SUCLG2: variants seen among roughly 807,000 people sequenced by gnomAD.
SUCLG2 encodes the protein succinate-CoA ligase GDP-forming subunit beta, also known as succinate--CoA ligase [GDP-forming] subunit beta, mitochondrial.
In SUCLG2, 42 loss-of-function variants were observed where a neutral mutation model predicts 47.9. The ratio of observed to expected loss-of-function variants is 0.88; its 90% CI spans 0.69 to 1.14. The LOEUF (loss-of-function observed/expected upper bound fraction) is 1.14. Among genes scored for constraint, SUCLG2 ranks in the 50% most tolerant of loss-of-function variants. SUCLG2 has a pLI of 0.00. For missense variants in SUCLG2, 571 were observed against 525.9 expected, an observed-to-expected ratio of 1.09 and a Z score of -0.84; for synonymous variants, 195 against 197.3, an observed-to-expected ratio of 0.99 and a Z score of 0.10.
intron 10 of SUCLG2, chr3:67,376,399 C>T (rs918856736): frequency 1.0e-6 from 1 of 985,286 alleles, no homozygotes; most frequent in Non-Finnish European, 1.2e-6. Flanking sequence ...CTTGACTGTT[C>T]CTGGTGGATC....
In SUCLG2 at chr3:67,444,130, G is replaced by A. The variant is rs1309525911; in HGVS notation, c.1063-43279C>T. 2.3e-3 allele frequency among the ~76,000 whole-genome samples: 165 copies of A among 72,828 alleles called. 1 individual carries two copies. The highest frequency in any genetic ancestry group is 7.3e-3 in the African/African-American group (161 of 22,190). The allele number at this position is 72,828 out of a possible 152,430, so 47.8% of individuals were successfully genotyped here. On this transcript the variant is annotated intron_variant, in intron 9 of 10. Coordinates refer to ENST00000307227, the MANE Select transcript of SUCLG2 (RefSeq NM_003848.4). ...AGGTGGGGGGGTCAGCCCCCCGCCT[G>A]GCCAGCCGTGCCGTCCGGGAGGGAG...
Position 67,528,252 on chromosome 3 carries a change from G to T in SUCLG2, c.327-30C>A, listed in dbSNP as rs116073508. ...GAGAAAGAGAAAACAAGCAGAAAAT[G>T]AATGTTTGTTGAAAATCATTTAAAT... On this transcript the variant is annotated intron_variant, in intron 3 of 10. Coordinates refer to ENST00000307227, the MANE Select transcript of SUCLG2 (RefSeq NM_003848.4). 1.1e-3 allele frequency: 1,706 copies of T among 1,594,232 alleles called. 8 individuals carry two copies. The African/African-American group carries it at 0.02, about 18-fold the overall frequency.
chr3:67,541,481 C>G (rs6769141), intron 2 of SUCLG2, among the ~76,000 whole-genome samples: 102,754 of 151,970 alleles, frequency 0.68, 34,953 homozygotes, highest in Middle Eastern at 0.75. Context: ...GAGTGAAAAG[C>G]AACAAACAAA....
chr3:67,440,001 G>A (rs926440111), intron 9 of SUCLG2, among the ~76,000 whole-genome samples: 2 of 152,010 alleles, frequency 1.3e-5, no homozygotes, highest in Admixed American at 6.6e-5. Context: ...CTACAGTAAC[G>A]AAAACAGCAT....
intron 1 of SUCLG2, among the ~76,000 whole-genome samples, chr3:67,628,761 G>T (rs1575828762): frequency 6.6e-6 from 1 of 152,168 alleles, no homozygotes; most frequent in East Asian, 1.9e-4. Flanking sequence ...TGATTGTGAG[G>T]CCTCCCCAGC....
intron 2 of SUCLG2, among the ~76,000 whole-genome samples, chr3:67,591,429 C>G (rs1708162659): frequency 6.6e-6 from 1 of 152,148 alleles, no homozygotes; most frequent in South Asian, 2.1e-4. Context: ...CCAAATCTCA[C>G]CTTGAATTGT....
At chr3:67,652,072 T>A (rs925682932) in intron 1 of SUCLG2, among the ~76,000 whole-genome samples, 2 of 150,076 alleles carry the variant, frequency 1.3e-5, no homozygotes, top group Non-Finnish European at 3.0e-5. Context: ...GAATAAAAAC[T>A]ATATGAAAAA....
intron 7 of SUCLG2, among the ~76,000 whole-genome samples, chr3:67,502,729 T>A (rs955634263): frequency 1.3e-5 from 2 of 152,248 alleles, no homozygotes; most frequent in African/African-American, 4.8e-5. Flanking sequence ...GATTTCTGTT[T>A]AGAGCAAATC....
intron 9 of SUCLG2, among the ~76,000 whole-genome samples, chr3:67,413,630 C>T (rs895461058): frequency 1.3e-5 from 2 of 152,146 alleles, no homozygotes; most frequent in Non-Finnish European, 2.9e-5. Context: ...AAAGGGAATA[C>T]GTATAGGATG....
At chr3:67,509,428 C>T (rs1019730171) in intron 6 of SUCLG2, among the ~76,000 whole-genome samples, 30 of 64,054 alleles carry the variant, frequency 4.7e-4, no homozygotes, top group Admixed American at 1.1e-3. Context: ...AGTTACTGAA[C>T]AGCACAAGTT....
intron 2 of SUCLG2, among the ~76,000 whole-genome samples, chr3:67,571,427 C>T (rs1323359643): frequency 1.3e-5 from 2 of 152,186 alleles, no homozygotes; most frequent in African/African-American, 4.8e-5. Context: ...GAGACAACAA[C>T]TCTTGGAGTA....
intron 10 of SUCLG2, among the ~76,000 whole-genome samples, chr3:67,363,733 A>G (rs992418491): frequency 1.3e-4 from 20 of 152,206 alleles, no homozygotes; most frequent in African/African-American, 4.8e-4. Flanking sequence ...TATGGTTTAA[A>G]AAAAGGGTAA....
At chr3:67,648,057 C>T (rs1257712374) in intron 1 of SUCLG2, among the ~76,000 whole-genome samples, 1 of 152,180 alleles carries the variant, frequency 6.6e-6, no homozygotes, top group Admixed American at 6.5e-5. Context: ...ATCCTGGGCC[C>T]ACCATCGGGT....
intron 10 of SUCLG2, among the ~76,000 whole-genome samples, chr3:67,391,703 G>A (rs898223413): frequency 1.3e-5 from 2 of 151,176 alleles, no homozygotes; most frequent in Admixed American, 1.3e-4. Context: ...CATTGAGAAC[G>A]GGCCCTTAGC....
rs762579776 is a variant in SUCLG2, at chr3:67,375,704, A to G, written c.*40T>C. 8.9e-6 allele frequency: 14 copies of G among 1,576,728 alleles called. No individual in the cohort carries two copies. The highest frequency in any genetic ancestry group is 1.0e-5 in the Non-Finnish European group (12 of 1,161,340). On this transcript the variant is annotated 3_prime_UTR_variant, in exon 11 of 11. Transcript: ENST00000307227. ...AATGATGAACCATCCCTTTTTACGG[A>G]AAAATGGCTTTCTTTCTCCATTGGA...
intron 1 of SUCLG2, among the ~76,000 whole-genome samples, chr3:67,635,865 C>G (rs995768555): frequency 1.3e-5 from 2 of 152,196 alleles, no homozygotes; most frequent in Admixed American, 6.5e-5. Context: ...TTTCGACTCC[C>G]CTCCAGGGTC....
At chr3:67,514,018 C>T (rs1270579762) in intron 6 of SUCLG2, 2 of 344,528 alleles carry the variant, frequency 5.8e-6, no homozygotes, top group Middle Eastern at 5.8e-4. Context: ...CGACATATCC[C>T]TGGAAACCCA....
At chr3:67,409,139 T>A (rs1186645148) in intron 9 of SUCLG2, 74 of 1,276,354 alleles carry the variant, frequency 5.8e-5, no homozygotes, top group Non-Finnish European at 7.5e-5. Context: ...ATAAAAGAGT[T>A]GTCCAGAGCT....
chr3:67,440,704 C>A (rs1226497905), intron 9 of SUCLG2, among the ~76,000 whole-genome samples: 1 of 152,060 alleles, frequency 6.6e-6, no homozygotes, highest in Non-Finnish European at 1.5e-5. Context: ...TTCAGAATGG[C>A]GATCATTAAA....
Sources: allele counts gnomAD v4.1 joint callset (sites outside exome capture counted in the v4.1 genomes callset), GRCh38; gene constraint gnomAD v4.1.1; transcripts MANE v1.5; gene names NCBI Gene and HGNC (gene_info 2026-07-23, HGNC 2026-07-21).